The following DOK6 variants were observed in gnomAD, a reference collection of about 807,000 sequenced individuals.
DOK6 encodes the protein downstream of tyrosine kinase 6.
A neutral mutation model predicts 44.0 loss-of-function variants in DOK6; 22 were observed. The ratio of observed to expected loss-of-function variants is 0.50; its 90% confidence interval spans 0.36 to 0.71. The LOEUF is 0.71. DOK6 is among the 30% of genes least tolerant of loss of function. DOK6 has a pLI of 0.00. For missense variants in DOK6, 340 were observed against 416.4 expected (o/e 0.82, Z 1.60); for synonymous variants, 166 against 145.5 (o/e 1.14, Z -1.01).
At chr18:69,402,472 A>G (rs1364967891) in intron 1 of DOK6, among the ~76,000 whole-genome samples, 1 of 152,222 alleles carries the variant, frequency 6.6e-6, no homozygotes, top group Non-Finnish European at 1.5e-5. Context: ...TGGAAGAAAG[A>G]TAAGGTAGAA....
chr18:69,804,842 A>G (rs1981008164), intron 7 of DOK6, among the ~76,000 whole-genome samples: 1 of 152,172 alleles, frequency 6.6e-6, no homozygotes, highest in African/African-American at 2.4e-5. Flanking sequence ...ATGGACACAG[A>G]CTTCCAATTG....
intron 1 of DOK6, among the ~76,000 whole-genome samples, chr18:69,471,213 GCA>G (rs370340907): frequency 1.1e-3 from 131 of 120,514 alleles, no homozygotes; most frequent in African/African-American, 4.1e-3. Context: ...TCGCGCCATT[GCA>G]CTCTAGCCTG....
chr18:69,443,171 T>G (rs1568259373), intron 1 of DOK6, among the ~76,000 whole-genome samples: 2 of 152,218 alleles, frequency 1.3e-5, no homozygotes. Context: ...TATAGATTTC[T>G]GAGCATGACG....
intron 1 of DOK6, among the ~76,000 whole-genome samples, chr18:69,423,084 G>A (rs7239849): frequency 0.33 from 50,293 of 151,958 alleles, 8,520 homozygotes; most frequent in Middle Eastern, 0.41. Flanking sequence ...TGGGAAGATC[G>A]CTTGAGGCCA....
At chr18:69,411,355 C>G (rs1334215411) in intron 1 of DOK6, among the ~76,000 whole-genome samples, 2 of 152,046 alleles carry the variant, frequency 1.3e-5, no homozygotes, top group Non-Finnish European at 2.9e-5. Context: ...ATTCCTGAGC[C>G]TGGGGTGTAG....
At chr18:69,749,542 G>A (rs1282573201) in intron 6 of DOK6, among the ~76,000 whole-genome samples, 3 of 152,028 alleles carry the variant, frequency 2.0e-5, no homozygotes, top group African/African-American at 2.4e-5. Context: ...TAGGAATGTC[G>A]ATTGATATTA....
chr18:69,527,025 A>G (rs1267098573), intron 1 of DOK6, among the ~76,000 whole-genome samples: 3 of 152,102 alleles, frequency 2.0e-5, no homozygotes, highest in African/African-American at 7.2e-5. Context: ...ACCTCCCACC[A>G]TCCACCACCC....
intron 3 of DOK6, among the ~76,000 whole-genome samples, chr18:69,604,612 G>A (rs907728762): frequency 1.3e-5 from 2 of 151,994 alleles, no homozygotes; most frequent in African/African-American, 4.8e-5. Flanking sequence ...AAGTGTTTGA[G>A]AAATAAAGGC....
At chr18:69,755,421 A>G (rs964137982) in intron 6 of DOK6, among the ~76,000 whole-genome samples, 3 of 152,250 alleles carry the variant, frequency 2.0e-5, no homozygotes, top group African/African-American at 7.2e-5. Context: ...ATTATAATAC[A>G]TTAGAAAAAG....
chr18:69,520,092 A>C (rs1030502497), intron 1 of DOK6, among the ~76,000 whole-genome samples: 1 of 151,828 alleles, frequency 6.6e-6, no homozygotes, highest in Non-Finnish European at 1.5e-5. Flanking sequence ...CTTTCAGGAC[A>C]TTGAATTCTA....
chr18:69,710,802 G>T (rs1986737784), intron 5 of DOK6, among the ~76,000 whole-genome samples: 2 of 152,178 alleles, frequency 1.3e-5, no homozygotes, highest in East Asian at 1.9e-4. Flanking sequence ...AAATAAAATT[G>T]GGTATTTTTT....
intron 1 of DOK6, among the ~76,000 whole-genome samples, chr18:69,535,171 G>T (rs145027524): frequency 6.6e-6 from 1 of 152,054 alleles, no homozygotes; most frequent in Non-Finnish European, 1.5e-5. Flanking sequence ...GTGAATCACC[G>T]TACGTTGTGC....
At chr18:69,817,123 T>G (rs936390875) in intron 7 of DOK6, among the ~76,000 whole-genome samples, 6 of 152,170 alleles carry the variant, frequency 3.9e-5, no homozygotes, top group Non-Finnish European at 8.8e-5. Flanking sequence ...GTTCCTCGAG[T>G]ATGGAGCCCA....
intron 7 of DOK6, among the ~76,000 whole-genome samples, chr18:69,779,782 T>C (rs1245663082): frequency 6.6e-6 from 1 of 151,876 alleles, no homozygotes; most frequent in Non-Finnish European, 1.5e-5. Context: ...CAACTTCATA[T>C]GCAGGGGACT....
intron 6 of DOK6, among the ~76,000 whole-genome samples, chr18:69,753,895 C>CA (rs1979267513): frequency 6.6e-6 from 1 of 151,914 alleles, no homozygotes; most frequent in Non-Finnish European, 1.5e-5. Context: ...GAAAGAACTT[C>CA]AAACACATGT....
chr18:69,665,808 T>C (rs1030815107), intron 3 of DOK6, among the ~76,000 whole-genome samples: 4 of 152,170 alleles, frequency 2.6e-5, no homozygotes, highest in African/African-American at 9.6e-5. Flanking sequence ...TTTGATTTTT[T>C]TTTTTTCTAG....
intron 1 of DOK6, among the ~76,000 whole-genome samples, chr18:69,539,589 G>C (rs1228886259): frequency 6.6e-6 from 1 of 151,462 alleles, no homozygotes; most frequent in Non-Finnish European, 1.5e-5. Context: ...TATGTATCCT[G>C]GATAGATTGT....
intron 3 of DOK6, among the ~76,000 whole-genome samples, chr18:69,674,442 A>G (rs1243986491): frequency 6.6e-6 from 1 of 152,144 alleles, no homozygotes; most frequent in Non-Finnish European, 1.5e-5. Context: ...CAGCTGTTAC[A>G]GGATGTCACT....
chr18:69,527,020 C>G (rs1196693226), intron 1 of DOK6, among the ~76,000 whole-genome samples: 4 of 152,194 alleles, frequency 2.6e-5, no homozygotes, highest in African/African-American at 9.6e-5. Flanking sequence ...AATCCACCTC[C>G]CACCATCCAC....
Sources: allele counts gnomAD v4.1 joint callset (sites outside exome capture counted in the v4.1 genomes callset), GRCh38; gene constraint gnomAD v4.1.1; transcripts MANE v1.5; gene names NCBI Gene and HGNC (gene_info 2026-07-23, HGNC 2026-07-21).